Variants in RBFOX3 observed in about 807,000 individuals in gnomAD.
RBFOX3 encodes RNA binding fox-1 homolog 3, also known as RNA binding protein fox-1 homolog 3.
RBFOX3 carries 17 observed loss-of-function variants against 48.7 expected under a neutral mutation model. The ratio of observed to expected loss-of-function variants is 0.35; its 90% CI spans 0.24 to 0.52. The LOEUF (loss-of-function observed/expected upper bound fraction) is 0.52, where lower values mean the gene tolerates loss of function less well. Among genes scored for constraint, RBFOX3 ranks in the 20% least tolerant of loss-of-function variants. RBFOX3 has a pLI of 0.94. For missense variants in RBFOX3, 382 were observed against 497.5 expected (o/e 0.77, Z 2.21); for synonymous variants, 212 against 209.5 (o/e 1.01, Z -0.10).
chr17:79,487,328 C>A lies in RBFOX3; in HGVS notation c.-319-4730G>T, dbSNP rs376260545. Reference sequence around the variant, plus strand: ...GATGACCTGCCCTGGCTGGCCCCGACGACCTTGGACTCACGAGTTGCCTTT... The same window carrying A: ...GATGACCTGCCCTGGCTGGCCCCGAAGACCTTGGACTCACGAGTTGCCTTT... On this transcript the variant is annotated intron_variant, in intron 1 of 14. Coordinates refer to ENST00000693108, the MANE Select transcript of RBFOX3 (RefSeq NM_001350451.2). 2.7e-3 allele frequency among the ~76,000 whole-genome samples: 410 copies of A among 152,346 alleles called. 8 individuals carry two copies. The South Asian group carries it at 0.041, about 15-fold the overall frequency.
At chr17:79,109,147 C>G (rs1293493624) in intron 5 of RBFOX3, among the ~76,000 whole-genome samples, 1 of 152,160 alleles carries the variant, frequency 6.6e-6, no homozygotes, top group East Asian at 1.9e-4. Context: ...GCATCTCCCT[C>G]AGGACCCCAA....
In RBFOX3 at chr17:79,111,497, G is replaced by A. The variant is rs571307757; in HGVS notation, c.222+3997C>T. Among the ~76,000 whole-genome samples, 3 of 152,232 alleles carry A rather than the reference G, an allele frequency of 2.0e-5. No homozygotes were observed. Among genetic ancestry groups the A allele is most frequent in the African/African-American group, 4.8e-5 (2 of 41,532 alleles). On this transcript the variant is annotated intron_variant, in intron 5 of 14. Transcript: ENST00000693108. The surrounding 1 kb of genome is among the most constrained non-coding windows in gnomAD (Gnocchi z 4.2). Reference sequence around the variant, plus strand: ...GTCGCCCAGGCTGGAGTGCAGCGGCGTGATCTCAGCTCACTGCAACCTCCA... The same window carrying A: ...GTCGCCCAGGCTGGAGTGCAGCGGCATGATCTCAGCTCACTGCAACCTCCA...
At chr17:79,434,268 C>T (rs149130740) in intron 2 of RBFOX3, among the ~76,000 whole-genome samples, 216 of 152,324 alleles carry the variant, frequency 1.4e-3, no homozygotes, top group African/African-American at 4.7e-3. Flanking sequence ...ATGAAAGCAC[C>T]TTTAATCTTG....
chr17:79,216,206 G>A (rs2059020822), intron 4 of RBFOX3, among the ~76,000 whole-genome samples: 1 of 152,264 alleles, frequency 6.6e-6, no homozygotes, highest in Non-Finnish European at 1.5e-5. Flanking sequence ...GAGCAGCCCA[G>A]CCTGTTTGCC....
chr17:79,312,023 CCTGA>C (rs1202082751), intron 2 of RBFOX3, among the ~76,000 whole-genome samples: 1 of 152,230 alleles, frequency 6.6e-6, no homozygotes, highest in Non-Finnish European at 1.5e-5. Flanking sequence ...CCTCCCCCTT[CCTGA>C]CTATCATTTC....
At chr17:79,412,461 ATG>A (rs997852236) in intron 2 of RBFOX3, among the ~76,000 whole-genome samples, 2 of 151,314 alleles carry the variant, frequency 1.3e-5, no homozygotes, top group African/African-American at 4.9e-5. Flanking sequence ...CGTATTGTGT[ATG>A]TGTGTGCACA....
At chr17:79,548,751 G>A (rs1169189605) in intron 1 of RBFOX3, among the ~76,000 whole-genome samples, 6 of 152,308 alleles carry the variant, frequency 3.9e-5, no homozygotes, top group African/African-American at 7.2e-5. Context: ...TTGGGCATGC[G>A]TTGCATGTAC....
chr17:79,095,399 G>A (rs528849876), intron 13 of RBFOX3, 114 bp downstream of exon 13: 9 of 926,794 alleles, frequency 9.7e-6, no homozygotes, highest in Admixed American at 2.4e-5. Context: ...CCCTACTCCC[G>A]CCAGGCCTGG....
intron 2 of RBFOX3, among the ~76,000 whole-genome samples, chr17:79,455,844 C>A (rs1484087089): frequency 1.3e-5 from 2 of 152,198 alleles, no homozygotes; most frequent in Non-Finnish European, 2.9e-5. Context: ...AGCGGCACCT[C>A]CAGCCTGGCC....
intron 2 of RBFOX3, among the ~76,000 whole-genome samples, chr17:79,387,909 T>C (rs918838952): frequency 4.1e-5 from 6 of 147,460 alleles, no homozygotes; most frequent in African/African-American, 9.8e-5. Context: ...TGATTGTGTG[T>C]ACGAGTGTGC....
chr17:79,424,207 T>C (rs2066948865), intron 2 of RBFOX3: 1 of 152,292 alleles, frequency 6.6e-6, no homozygotes, highest in Non-Finnish European at 1.5e-5. Flanking sequence ...GTACATCATG[T>C]GAGGAATGAA....
chr17:79,368,211 C>T (rs2058052740), intron 2 of RBFOX3, among the ~76,000 whole-genome samples: 1 of 152,170 alleles, frequency 6.6e-6, no homozygotes, highest in African/African-American at 2.4e-5. Context: ...ACAGCCGTGC[C>T]CACGTCATTC....
chr17:79,313,012 C>T (rs1472664482), intron 2 of RBFOX3, among the ~76,000 whole-genome samples: 1 of 152,196 alleles, frequency 6.6e-6, no homozygotes, highest in Non-Finnish European at 1.5e-5. Flanking sequence ...GGAGAGTCTA[C>T]TCCAAGGCAT....
intron 13 of RBFOX3, among the ~76,000 whole-genome samples, chr17:79,095,118 G>C (rs2074930430): frequency 6.6e-6 from 1 of 152,140 alleles, no homozygotes; most frequent in Non-Finnish European, 1.5e-5. Context: ...CCCCAGACCA[G>C]AGTGGTGGAG....
intron 3 of RBFOX3, among the ~76,000 whole-genome samples, chr17:79,238,739 CTT>C (rs2061947747): frequency 6.7e-6 from 1 of 148,916 alleles, no homozygotes; most frequent in Admixed American, 6.6e-5. Flanking sequence ...GTACGAGTGT[CTT>C]TATTTAGTCA....
chr17:79,453,664 G>C (rs554679928), intron 2 of RBFOX3, among the ~76,000 whole-genome samples: 3 of 152,270 alleles, frequency 2.0e-5, no homozygotes, highest in African/African-American at 7.2e-5. Context: ...CCAGGCACAT[G>C]GGGTGTGTGT....
chr17:79,092,352 A>G lies in RBFOX3; in HGVS notation c.1078-1467T>C, dbSNP rs558483364. Reference sequence around the variant, plus strand: ...AACATCAACAAAGTCAAAATAGGAAATCACGGTTGCAGACATACAGGAAAA... The same window carrying G: ...AACATCAACAAAGTCAAAATAGGAAGTCACGGTTGCAGACATACAGGAAAA... On this transcript the variant is annotated intron_variant, in intron 14 of 14. Transcript: ENST00000693108. 4.1e-4 allele frequency: 408 copies of G among 985,586 alleles called. 3 individuals are homozygous for G. The African/African-American group carries it at 6.6e-3, about 16-fold the overall frequency. The allele number at this position is 985,586 out of a possible 1,614,324, so 61.1% of individuals were successfully genotyped here. A position where few individuals can be genotyped will look rare whatever the true frequency, so the allele number is the denominator to read the frequency against.
chr17:79,219,104 G>GGCCCTTGA (rs932620994), intron 4 of RBFOX3, among the ~76,000 whole-genome samples: 1 of 152,196 alleles, frequency 6.6e-6, no homozygotes, highest in Non-Finnish European at 1.5e-5. Context: ...GGGGCTCCAG[G>GGCCCTTGA]GCCCTTGAGC....
intron 3 of RBFOX3, among the ~76,000 whole-genome samples, chr17:79,262,205 C>A (rs757353411): frequency 6.6e-6 from 1 of 152,154 alleles, no homozygotes; most frequent in African/African-American, 2.4e-5. Context: ...AGGCCAAGCC[C>A]GAGATGCGGC....
Sources: gnomAD v4.1 joint callset for allele counts (sites outside exome capture counted in the v4.1 genomes callset) on GRCh38, gnomAD v4.1.1 for gene constraint, Gnocchi (gnomAD v3.1) non-coding constraint, MANE v1.5 for transcripts, NCBI Gene and HGNC (gene_info 2026-07-23, HGNC 2026-07-21) for gene names.